The following KCNK13 variants were observed in gnomAD, a reference collection of about 807,000 sequenced individuals.
KCNK13 encodes the protein potassium two pore domain channel subfamily K member 13, also known as potassium channel subfamily K member 13.
Under a neutral mutation model 23.4 loss-of-function variants are expected in KCNK13, and 12 were observed. That is an observed-to-expected ratio of 0.51 (90% CI 0.33 to 0.83). The LOEUF (loss-of-function observed/expected upper bound fraction) is 0.83, where lower values mean the gene tolerates loss of function less well. Among genes scored for constraint, KCNK13 ranks in the 40% least tolerant of loss-of-function variants. The pLI, the probability that KCNK13 is intolerant of heterozygous loss-of-function variation, is 0.02. For synonymous variants in KCNK13, 231 were observed against 229.5 expected, an observed-to-expected ratio of 1.01 and a Z score of -0.06; for missense variants, 463 against 556.3, an observed-to-expected ratio of 0.83 and a Z score of 1.69.
chr14:90,166,014 A>G (rs1310482766), intron 1 of KCNK13, among the ~76,000 whole-genome samples: 1 of 152,252 alleles, frequency 6.6e-6, no homozygotes, highest in Non-Finnish European at 1.5e-5. Flanking sequence ...GATGATTTAA[A>G]GAGTCTCTAT....
chr14:90,175,145 C>T (rs1890409053), intron 1 of KCNK13, among the ~76,000 whole-genome samples: 2 of 152,198 alleles, frequency 1.3e-5, no homozygotes, highest in East Asian at 1.9e-4. Context: ...GTGACTTCAG[C>T]TTCCTTAGCT....
At chr14:90,130,179 C>CATTTATTTATTTATTTATTTATTT (rs60505302) in intron 1 of KCNK13, among the ~76,000 whole-genome samples, 5 of 142,056 alleles carry the variant, frequency 3.5e-5, no homozygotes, top group Admixed American at 7.1e-5. Flanking sequence ...TGGAGAAGGA[C>CATTTATTTATTTATTTATTTATTT]ATTTATTTAT....
chr14:90,128,115 C>T (rs1889824366), intron 1 of KCNK13, among the ~76,000 whole-genome samples: 1 of 152,150 alleles, frequency 6.6e-6, no homozygotes, highest in South Asian at 2.1e-4. Context: ...AATATGGACC[C>T]TCTGGCCTAT....
chr14:90,153,215 G>A (rs79025180), intron 1 of KCNK13, among the ~76,000 whole-genome samples: 6,992 of 152,152 alleles, frequency 0.046, 262 homozygotes, highest in South Asian at 0.18. Flanking sequence ...GTCAGAATTA[G>A]GTATTCCTCC....
At chr14:90,153,235 C>T (rs1312283831) in intron 1 of KCNK13, among the ~76,000 whole-genome samples, 1 of 152,160 alleles carries the variant, frequency 6.6e-6, no homozygotes, top group Admixed American at 6.5e-5. Flanking sequence ...CCACTGTACT[C>T]CCTAAAGCCC....
At chr14:90,091,529 T>C (rs1889343365) in intron 1 of KCNK13, among the ~76,000 whole-genome samples, 1 of 152,206 alleles carries the variant, frequency 6.6e-6, no homozygotes, top group Admixed American at 6.5e-5. Context: ...CTCTAAGGTC[T>C]TGTTGGATAC....
At chr14:90,095,353 CT>C (rs1368407652) in intron 1 of KCNK13, among the ~76,000 whole-genome samples, 1 of 152,324 alleles carries the variant, frequency 6.6e-6, no homozygotes, top group East Asian at 1.9e-4. Context: ...CTTGACTGGG[CT>C]TTTGATTCAG....
chr14:90,064,672 C>T (rs1032202662), intron 1 of KCNK13, among the ~76,000 whole-genome samples: 2 of 152,174 alleles, frequency 1.3e-5, no homozygotes, highest in Non-Finnish European at 2.9e-5. Context: ...CCTCCGTCTG[C>T]GTAAGCCTGC....
chr14:90,082,553 T>C lies in KCNK13; in HGVS notation c.334+20014T>C, dbSNP rs145822865. On this transcript the variant is annotated intron_variant, in intron 1 of 1. Coordinates refer to ENST00000282146, the MANE Select transcript of KCNK13 (RefSeq NM_022054.4). ...CATGTGGGCTTTTGTGACTGACTTC[T>C]TTCACTTAGCATGTTTTCAAGTGAG... 3.5e-3 allele frequency among the ~76,000 whole-genome samples: 535 copies of C among 152,356 alleles called. 15 individuals are homozygous for C. The highest frequency in any genetic ancestry group is 0.03 in the Admixed American group (454 of 15,302).
intron 1 of KCNK13, among the ~76,000 whole-genome samples, chr14:90,150,253 G>T (rs12894287): frequency 0.28 from 43,251 of 151,972 alleles, 6,804 homozygotes; most frequent in Non-Finnish European, 0.37. Context: ...AGTTAAGTAC[G>T]GCTGGTTTTG....
intron 1 of KCNK13, among the ~76,000 whole-genome samples, chr14:90,148,521 G>A (rs901624913): frequency 6.6e-6 from 1 of 152,344 alleles, no homozygotes; most frequent in South Asian, 2.1e-4. Context: ...CACAGAGAAA[G>A]TGGCCATTGA....
chr14:90,128,739 G>A (rs12894519), intron 1 of KCNK13, among the ~76,000 whole-genome samples: 2 of 152,118 alleles, frequency 1.3e-5, no homozygotes, highest in African/African-American at 4.8e-5. Flanking sequence ...TTCCTGAGCA[G>A]CATTCTCCGA....
chr14:90,151,664 C>T (rs1050921659), intron 1 of KCNK13, among the ~76,000 whole-genome samples: 10 of 151,978 alleles, frequency 6.6e-5, no homozygotes, highest in Admixed American at 2.0e-4. Flanking sequence ...TGCTTTTTGT[C>T]GCCTGTGTTT....
intron 1 of KCNK13, among the ~76,000 whole-genome samples, chr14:90,161,853 A>G (rs963504407): frequency 6.6e-6 from 1 of 152,182 alleles, no homozygotes; most frequent in African/African-American, 2.4e-5. Flanking sequence ...AAGAGAAGAG[A>G]GGTGAGGGAA....
chr14:90,185,174 C>A lies in KCNK13; in HGVS notation c.*171C>A. On this transcript the variant is annotated 3_prime_UTR_variant, in exon 2 of 2. Coordinates refer to ENST00000282146, the MANE Select transcript of KCNK13 (RefSeq NM_022054.4). ...TCGGCTCCAACCAACAGCCACCTTC[C>A]AGGGATGGGGGGCCTGAAGCCTCGA... is the stretch of plus-strand genomic sequence containing the variant. 1 of 556,826 alleles carries A rather than the reference C, an allele frequency of 1.8e-6. No homozygotes were observed. Among genetic ancestry groups the A allele is most frequent in the African/African-American group, 1.9e-5 (1 of 53,650 alleles). 34.5% of individuals were successfully genotyped at this position (556,826 alleles called of 1,614,324 possible). A position where few individuals can be genotyped will look rare whatever the true frequency, so the allele number is the denominator to read the frequency against.
chr14:90,141,240 A>G (rs924659253), intron 1 of KCNK13, among the ~76,000 whole-genome samples: 2 of 152,226 alleles, frequency 1.3e-5, no homozygotes, highest in Non-Finnish European at 2.9e-5. Context: ...TTGAGGCTTG[A>G]TAGTATAACC....
At chr14:90,134,806 A>G (rs1406091251) in intron 1 of KCNK13, among the ~76,000 whole-genome samples, 1 of 152,226 alleles carries the variant, frequency 6.6e-6, no homozygotes, top group Non-Finnish European at 1.5e-5. Context: ...AATTTCCTAC[A>G]ATGAAGATAT....
intron 1 of KCNK13, among the ~76,000 whole-genome samples, chr14:90,110,202 A>G (rs1233484763): frequency 6.6e-6 from 1 of 152,182 alleles, no homozygotes; most frequent in Admixed American, 6.5e-5. Context: ...CGTGCAGATT[A>G]CCAGCAAGAC....
Position 90,184,118 on chromosome 14 carries a change from G to T in KCNK13, c.342G>T (p.Gly114=). The T allele has an allele frequency of 6.2e-7, 1 of 1,612,264 alleles. No homozygotes were observed. Among genetic ancestry groups the T allele is most frequent in the South Asian group, 1.1e-5 (1 of 90,966 alleles). ...VGTVVSTIGF[G]MTTPATVGGK... ...CATTTTTCTCTCCTGCAGGGTTTGG[G>T]ATGACAACTCCGGCGACAGTAGGAG... The change falls in exon 2 of 2, where the codon GGG becomes GGT. Residue 114 remains glycine, a synonymous_variant. Transcript: ENST00000282146. The surrounding 1 kb of genome is among the most constrained non-coding windows in gnomAD (Gnocchi z 5.6).
Sources: allele counts gnomAD v4.1 joint callset (sites outside exome capture counted in the v4.1 genomes callset), GRCh38; gene constraint gnomAD v4.1.1; non-coding constraint Gnocchi (gnomAD v3.1); transcripts MANE v1.5; gene names NCBI Gene and HGNC (gene_info 2026-07-23, HGNC 2026-07-21).